Variants in ZNF528 observed in about 807,000 individuals in gnomAD.
ZNF528 encodes zinc finger protein 528.
In ZNF528, 9 loss-of-function variants were observed where a neutral mutation model predicts 13.3. That is an observed-to-expected ratio of 0.67 (90% confidence interval 0.41 to 1.18). The LOEUF is 1.18. Ranked by LOEUF, ZNF528 falls within the 50% of genes most tolerant of loss-of-function variation. The probability of loss-of-function intolerance (pLI) is 0.01; values close to 1 mark genes in which losing one functional copy is unlikely to be tolerated. For missense variants in ZNF528, 858 were observed against 745.4 expected (o/e 1.15, Z -1.76); for synonymous variants, 264 against 254.3 (o/e 1.04, Z -0.36).
intron 2 of ZNF528, among the ~76,000 whole-genome samples, chr19:52,400,227 AACACACACAC>A (rs56136198): frequency 1.1e-4 from 16 of 144,706 alleles, no homozygotes; most frequent in South Asian, 6.7e-4. Flanking sequence ...TGCCCATTAA[AACACACACAC>A]ACACACACAC....
rs900400865 is a variant in ZNF528 at position 52,415,393 on chromosome 19, A to G, written c.541A>G (p.Ile181Val). Residue 181 changes from isoleucine (I) to valine (V), a missense_variant, in exon 7 of 7, where the codon ATT becomes GTT. Transcript: ENST00000360465. ...ACTTCCACAAGAACAGAAAGCACACATTAGGGAAAAAGCTTATAAATGTAA... is the reference window on the plus strand; with the variant it reads ...ACTTCCACAAGAACAGAAAGCACACGTTAGGGAAAAAGCTTATAAATGTAA... Reference protein sequence around the residue: ...PLLPQEQKAHIREKAYKCNEH... With the variant: ...PLLPQEQKAHVREKAYKCNEH... 1.3e-5 allele frequency: 21 copies of G among 1,614,064 alleles called. No individual in the cohort carries two copies. Among genetic ancestry groups the G allele is most frequent in the Non-Finnish European group, 1.7e-5 (20 of 1,180,050 alleles).
chr19:52,414,915 C>A, intron 6 of ZNF528: 3 of 1,485,038 alleles, frequency 2.0e-6, no homozygotes, highest in Non-Finnish European at 2.7e-6. Context: ...TCAGATTTAC[C>A]CATAATTCTC....
intron 6 of ZNF528, among the ~76,000 whole-genome samples, chr19:52,407,977 GTGCT>G (rs1319176428): frequency 6.6e-6 from 1 of 151,814 alleles, no homozygotes; most frequent in African/African-American, 2.4e-5. Flanking sequence ...GCCTGCCAAA[GTGCT>G]TGGGATTACA....
At position 52,415,669 on chromosome 19, in the gene ZNF528, GA is replaced by G; in HGVS notation, c.819del (p.Glu273AspfsTer68). 1 of 1,613,988 alleles carries G rather than the reference GA, an allele frequency of 6.2e-7. No homozygotes were observed. The highest frequency in any genetic ancestry group is 8.5e-7 in the Non-Finnish European group (1 of 1,179,988). ...TGGAGAGAAGCCTTACAAATGTCAT[GA>G]ATGTGACAAGGTCTTTCGAAGCAGT... The part of the protein sequence containing the change: ...HTGEKPYKCH[E>X]CDKVFRSSSK... On this transcript the variant is annotated frameshift_variant, in exon 7 of 7. Coordinates refer to ENST00000360465, the MANE Select transcript of ZNF528 (RefSeq NM_032423.3). LOFTEE classifies it low-confidence loss of function (END_TRUNC).
intron 6 of ZNF528, chr19:52,414,094 A>G (rs2058967149): frequency 1.5e-6 from 1 of 646,778 alleles, no homozygotes; most frequent in Non-Finnish European, 2.8e-6. Context: ...CGTTCGCAGT[A>G]CTTTAGAGCA....
rs766843246 is a variant in ZNF528, at chr19:52,415,464, A to G, written c.612A>G (p.Gln204=). 95 of 1,614,114 alleles carry G rather than the reference A, an allele frequency of 5.9e-5. No individual in the cohort carries two copies. Among genetic ancestry groups the G allele is most frequent in the Non-Finnish European group, 6.4e-5 (75 of 1,180,054 alleles). ...VFRASASLTN[Q]VIHNADNPYK... is the part of the protein sequence containing the mutation. ...GAGCATCTGCAAGCCTTACTAACCA[A>G]GTAATCCATAACGCAGATAATCCTT... Residue 204 remains glutamine, a synonymous_variant, in exon 7 of 7, where the codon CAA becomes CAG. Transcript: ENST00000360465.
In ZNF528 at chr19:52,409,060, A is replaced by G. The variant is rs73586055; in HGVS notation, c.271+2417A>G. On this transcript the variant is annotated intron_variant, in intron 6 of 6. Coordinates refer to ENST00000360465, the MANE Select transcript of ZNF528 (RefSeq NM_032423.3). ...AGTTTTGCTAAGTGTAGTATTCTTCATTGCTGTTTTGCCTATTTTTCTTTA... is the reference window on the plus strand; with the variant it reads ...AGTTTTGCTAAGTGTAGTATTCTTCGTTGCTGTTTTGCCTATTTTTCTTTA... Among the ~76,000 whole-genome samples, 1,433 of 152,126 alleles carry G rather than the reference A, an allele frequency of 9.4e-3. 19 individuals carry two copies. Among genetic ancestry groups the G allele is most frequent in the African/African-American group, 0.032 (1,344 of 41,494 alleles).
At chr19:52,408,134 C>T (rs1279653380) in intron 6 of ZNF528, 1 of 151,864 alleles carries the variant, frequency 6.6e-6, no homozygotes, top group Non-Finnish European at 1.5e-5. Context: ...TTTTATGTTC[C>T]CATTAACATA....
Position 52,415,637 on chromosome 19 carries a change from T to C in ZNF528, c.785T>C (p.Ile262Thr). ...TCAAACCTTTCACAACATCAAAGAA[T>C]TCATACTGGAGAGAAGCCTTACAAA... The part of the protein sequence containing the change: ...SNSNLSQHQR[I>T]HTGEKPYKCH... Residue 262 changes from isoleucine (I) to threonine (T), a missense_variant, in exon 7 of 7, where the codon ATT becomes ACT. Transcript: ENST00000360465. The C allele has an allele frequency of 1.2e-6, 2 of 1,614,180 alleles. No individual in the cohort carries two copies. Among genetic ancestry groups the C allele is most frequent in the Non-Finnish European group, 1.7e-6 (2 of 1,180,030 alleles).
chr19:52,406,542 C>G lies in ZNF528; in HGVS notation c.170C>G (p.Thr57Ser), dbSNP rs142205414. 117 of 1,613,760 alleles carry G rather than the reference C, an allele frequency of 7.3e-5. 2 individuals carry two copies. In the African/African-American group the frequency reaches 1.5e-3, roughly 20 times the overall value. ...ATCTGTCTTCCTGACCTGAGTGTTA[C>G]CTCCATGTTAGAGCAAAAGAGAGAT... ...LGICLPDLSV[T>S]SMLEQKRDPW... Residue 57 changes from threonine to serine, a missense_variant, in exon 6 of 7, where the codon ACC becomes AGC. Coordinates refer to ENST00000360465, the MANE Select transcript of ZNF528 (RefSeq NM_032423.3).
chr19:52,415,929 C>G lies in ZNF528; in HGVS notation c.1077C>G (p.Gly359=). Reference sequence around the variant, plus strand: ...AACCTTACAAATGTGAAGAATGTGGCAAAGCATTTTCAGTGCGTTCCAGCC... The same window carrying G: ...AACCTTACAAATGTGAAGAATGTGGGAAAGCATTTTCAGTGCGTTCCAGCC... ...GEKPYKCEEC[G]KAFSVRSSLI... is the part of the protein sequence containing the mutation. Residue 359 remains glycine, a synonymous_variant, in exon 7 of 7, where the codon GGC becomes GGG. Transcript: ENST00000360465. The G allele has an allele frequency of 6.2e-7, 1 of 1,614,026 alleles. No individual in the cohort carries two copies. Among genetic ancestry groups the G allele is most frequent in the South Asian group, 1.1e-5 (1 of 91,062 alleles).
chr19:52,401,604 A>T, intron 2 of ZNF528, 81 bp from the exon 3 acceptor site: 4 of 1,140,718 alleles, frequency 3.5e-6, no homozygotes, highest in Non-Finnish European at 4.5e-6. Context: ...TTTTTAAAAT[A>T]AGTGCTTGAT....
chr19:52,402,989 A>T (rs2058812886), intron 4 of ZNF528, among the ~76,000 whole-genome samples: 4 of 152,288 alleles, frequency 2.6e-5, no homozygotes, highest in Non-Finnish European at 4.4e-5. Context: ...ACCTAGTGAG[A>T]TCCTGTCTAA....
intron 6 of ZNF528, among the ~76,000 whole-genome samples, chr19:52,410,087 G>A (rs954865461): frequency 2.0e-5 from 3 of 152,190 alleles, no homozygotes; most frequent in Non-Finnish European, 4.4e-5. Flanking sequence ...ACAGGCATGA[G>A]CCACTGCACT....
chr19:52,414,892 C>G, intron 6 of ZNF528: 2 of 1,425,916 alleles, frequency 1.4e-6, no homozygotes, highest in Non-Finnish European at 1.9e-6. Context: ...TATTTCTCTG[C>G]TCATAGTCTG....
In ZNF528 at chr19:52,417,063, A is replaced by T. The variant is rs956381297; in HGVS notation, c.*324A>T. On this transcript the variant is annotated 3_prime_UTR_variant, in exon 7 of 7. Transcript: ENST00000360465. ...ATAATGCTAAGTCAAAATATGTTGA[A>T]TCTCATGACCTGATGTATATCAAAG... 11 of 290,434 alleles carry T rather than the reference A, an allele frequency of 3.8e-5. No individual in the cohort carries two copies. In the East Asian group the frequency reaches 7.5e-4, roughly 20 times the overall value. The allele number at this position is 290,434 out of a possible 1,614,324, so 18.0% of individuals were successfully genotyped here.
At chr19:52,400,752 C>T (rs2058784481) in intron 2 of ZNF528, among the ~76,000 whole-genome samples, 1 of 151,980 alleles carries the variant, frequency 6.6e-6, no homozygotes, top group African/African-American at 2.4e-5. Context: ...TCTTGAACTC[C>T]TGACTTCTAG....
rs765358670 is a variant in ZNF528 at position 52,416,532 on chromosome 19, G to A, written c.1680G>A (p.Gly560=). The A allele has an allele frequency of 6.2e-7, 1 of 1,614,132 alleles. No homozygotes were observed. The highest frequency in any genetic ancestry group is 1.1e-5 in the South Asian group (1 of 91,086). The change falls in exon 7 of 7, where the codon GGG becomes GGA. Residue 560 remains glycine (G), a synonymous_variant. Coordinates refer to ENST00000360465, the MANE Select transcript of ZNF528 (RefSeq NM_032423.3). ...RCSKCGKAFR[G]CSGLTAHLAI... ...GTAAATGTGGCAAAGCATTTCGAGGGTGTTCAGGCCTTACTGCCCATCTTG... is the reference window on the plus strand; with the variant it reads ...GTAAATGTGGCAAAGCATTTCGAGGATGTTCAGGCCTTACTGCCCATCTTG...
intron 6 of ZNF528, 24 bp downstream of exon 6, chr19:52,406,667 G>A: frequency 6.3e-7 from 1 of 1,588,832 alleles, no homozygotes; most frequent in Non-Finnish European, 8.5e-7. Context: ...TGGGCAGAGT[G>A]GAGGCCCCAT....
Sources: allele counts gnomAD v4.1 joint callset (sites outside exome capture counted in the v4.1 genomes callset), GRCh38; gene constraint gnomAD v4.1.1; transcripts MANE v1.5; gene names NCBI Gene and HGNC (gene_info 2026-07-23, HGNC 2026-07-21).